The following MEOX2 variants were observed in gnomAD, a reference collection of about 807,000 sequenced individuals.
The protein encoded by MEOX2 is homeobox protein MOX-2.
Under a neutral mutation model 27.0 loss-of-function variants are expected in MEOX2, and 11 were observed. The ratio of observed to expected loss-of-function variants is 0.41; its 90% CI spans 0.26 to 0.68. The LOEUF is 0.68. Among genes scored for constraint, MEOX2 ranks in the 30% least tolerant of loss-of-function variants. The probability of loss-of-function intolerance (pLI) is 0.33; values close to 1 mark genes in which losing one functional copy is unlikely to be tolerated. For missense variants in MEOX2, 436 were observed against 385.4 expected (o/e 1.13, Z -1.10); for synonymous variants, 189 against 155.4 (o/e 1.22, Z -1.61).
intron 1 of MEOX2, among the ~76,000 whole-genome samples, chr7:15,663,509 T>C (rs1052794551): frequency 1.0e-4 from 1 of 9,898 alleles, no homozygotes; most frequent in Non-Finnish European, 2.5e-4. Flanking sequence ...ATTTTTGTAT[T>C]TTTTTTTTTT....
At chr7:15,627,808 A>AACACACATACAC in intron 1 of MEOX2, among the ~76,000 whole-genome samples, 1 of 147,406 alleles carries the variant, frequency 6.8e-6, no homozygotes, top group African/African-American at 2.5e-5. Flanking sequence ...ATCAATAGTA[A>AACACACATACAC]ACACACACAC....
intron 1 of MEOX2, among the ~76,000 whole-genome samples, chr7:15,633,969 T>C (rs998939854): frequency 6.6e-6 from 1 of 151,966 alleles, no homozygotes; most frequent in Non-Finnish European, 1.5e-5. Context: ...AAAGGAAAAG[T>C]ATCATTTATT....
rs572289153 is a variant in MEOX2, at chr7:15,630,227, A to T, written c.518-3309T>A. On this transcript the variant is annotated intron_variant, in intron 1 of 2. Coordinates refer to ENST00000262041, the MANE Select transcript of MEOX2 (RefSeq NM_005924.5). ...GTTCCCTAACCTTTTGCTCCCTGGG[A>T]CTACGCTAATGGAAGAAGTCTGCAA... Among the ~76,000 whole-genome samples, 4 of 152,192 alleles carry T rather than the reference A, an allele frequency of 2.6e-5. No homozygotes were observed. In the East Asian group the frequency reaches 7.7e-4, roughly 29 times the overall value.
At position 15,657,932 on chromosome 7, in the gene MEOX2, G is replaced by A. The variant is rs1781849479; in HGVS notation, c.517+27954C>T. Among the ~76,000 whole-genome samples the A allele has an allele frequency of 3.3e-5, 5 of 152,326 alleles. No individual in the cohort carries two copies. In the South Asian group the frequency reaches 8.3e-4, roughly 25 times the overall value. ...AGGCTCCTTAGTGCTACCTGAAGTA[G>A]AAGTTCCCCACTGAGCCTCAGTTTA... On this transcript the variant is annotated intron_variant, in intron 1 of 2. Transcript: ENST00000262041.
At chr7:15,664,869 CCTT>C (rs1446835018) in intron 1 of MEOX2, among the ~76,000 whole-genome samples, 1 of 152,164 alleles carries the variant, frequency 6.6e-6, no homozygotes, top group African/African-American at 2.4e-5. Flanking sequence ...CCCCACCACT[CCTT>C]CTGTTGCATC....
intron 2 of MEOX2, among the ~76,000 whole-genome samples, chr7:15,615,655 T>A (rs1332182227): frequency 6.6e-6 from 1 of 152,030 alleles, no homozygotes; most frequent in Non-Finnish European, 1.5e-5. Context: ...TACTTCTCCA[T>A]TTTGTGTGAA....
chr7:15,638,418 T>A (rs902694300), intron 1 of MEOX2, among the ~76,000 whole-genome samples: 1 of 152,194 alleles, frequency 6.6e-6, no homozygotes, highest in African/African-American at 2.4e-5. Context: ...ATACTTTGTT[T>A]TATTTAGTCT....
chr7:15,640,389 C>T (rs1170544629), intron 1 of MEOX2, among the ~76,000 whole-genome samples: 6 of 151,898 alleles, frequency 4.0e-5, no homozygotes, highest in Admixed American at 2.6e-4. Context: ...AATCCTGAAA[C>T]TTTATTGAAG....
chr7:15,677,659 C>T (rs572397188), intron 1 of MEOX2: 7 of 152,318 alleles, frequency 4.6e-5, no homozygotes, highest in South Asian at 2.1e-4. Context: ...TAAGAGGTCC[C>T]TGCATTTACC....
At chr7:15,614,419 G>A (rs200366848) in intron 2 of MEOX2, among the ~76,000 whole-genome samples, 2 of 150,236 alleles carry the variant, frequency 1.3e-5, no homozygotes, top group Non-Finnish European at 1.5e-5. Context: ...GTCTCAAAAA[G>A]AAAAAAAAAG....
intron 2 of MEOX2, among the ~76,000 whole-genome samples, chr7:15,619,990 T>G (rs1781194710): frequency 6.6e-6 from 1 of 152,106 alleles, no homozygotes; most frequent in Non-Finnish European, 1.5e-5. Context: ...CTTTTTTGTG[T>G]GGAAGCTGAA....
chr7:15,615,028 C>T (rs565221673), intron 2 of MEOX2, among the ~76,000 whole-genome samples: 4 of 151,692 alleles, frequency 2.6e-5, no homozygotes, highest in African/African-American at 9.7e-5. Context: ...ATCAATTTGA[C>T]AATAAAAAAT....
intron 2 of MEOX2, among the ~76,000 whole-genome samples, chr7:15,625,016 A>G (rs1781277929): frequency 6.6e-6 from 1 of 152,202 alleles, no homozygotes; most frequent in Non-Finnish European, 1.5e-5. Flanking sequence ...ACAATGACAG[A>G]TAACCGTAGA....
chr7:15,648,179 T>C (rs1016836432), intron 1 of MEOX2, among the ~76,000 whole-genome samples: 2 of 152,102 alleles, frequency 1.3e-5, no homozygotes, highest in Admixed American at 6.6e-5. Flanking sequence ...GTTTTTAAGA[T>C]TTAATGTAAT....
intron 1 of MEOX2, among the ~76,000 whole-genome samples, chr7:15,667,289 C>CCAAAAAAAAAA (rs1782023386): frequency 2.4e-5 from 1 of 40,980 alleles, no homozygotes; most frequent in Non-Finnish European, 4.1e-5. Flanking sequence ...GACTCTGTCT[C>CCAAAAAAAAAA]AAAAAAAAAA....
chr7:15,647,088 G>T (rs1242712549), intron 1 of MEOX2, among the ~76,000 whole-genome samples: 1 of 151,952 alleles, frequency 6.6e-6, no homozygotes, highest in Non-Finnish European at 1.5e-5. Context: ...TCATATATTA[G>T]AAATATTCCT....
intron 1 of MEOX2, among the ~76,000 whole-genome samples, chr7:15,650,645 A>G (rs1017503106): frequency 3.3e-5 from 5 of 152,050 alleles, no homozygotes; most frequent in African/African-American, 7.2e-5. Context: ...TCCTTCCCTT[A>G]AGGATCATAT....
intron 1 of MEOX2, among the ~76,000 whole-genome samples, chr7:15,663,773 A>G (rs1370323231): frequency 6.6e-6 from 1 of 152,206 alleles, no homozygotes; most frequent in African/African-American, 2.4e-5. Context: ...TTAAAGAGAG[A>G]GATGGGCATA....
Position 15,630,277 on chromosome 7 carries a change from C to T in MEOX2, c.518-3359G>A, listed in dbSNP as rs76615453. On this transcript the variant is annotated intron_variant, in intron 1 of 2. Coordinates refer to ENST00000262041, the MANE Select transcript of MEOX2 (RefSeq NM_005924.5). ...ATACTTCCGTGGAGGATAAAAATTG[C>T]CCTCCAAGGATCATTTCTGTCTAGC... Among the ~76,000 whole-genome samples the T allele has an allele frequency of 6.5e-3, 984 of 152,116 alleles. 3 individuals are homozygous for T. Among genetic ancestry groups the T allele is most frequent in the African/African-American group, 0.023 (935 of 41,528 alleles).
Sources: allele counts gnomAD v4.1 joint callset (sites outside exome capture counted in the v4.1 genomes callset), GRCh38; gene constraint gnomAD v4.1.1; transcripts MANE v1.5; gene names NCBI Gene and HGNC (gene_info 2026-07-23, HGNC 2026-07-21).